Variants in OPALIN observed in about 807,000 individuals in gnomAD.
The protein encoded by OPALIN is oligodendrocytic myelin paranodal and inner loop protein, also known as transmembrane protein 10.
Under a neutral mutation model 17.8 loss-of-function variants are expected in OPALIN, and 15 were observed. The observed-to-expected ratio is 0.84, with a 90% CI of 0.56 to 1.29. The LOEUF (loss-of-function observed/expected upper bound fraction) is 1.29, where lower values mean the gene tolerates loss of function less well. Among genes scored for constraint, OPALIN ranks in the 50% most tolerant of loss-of-function variants. OPALIN has a pLI of 0.00. For missense variants in OPALIN, 170 were observed against 176.0 expected (o/e 0.97, Z 0.19); for synonymous variants, 62 against 63.8 (o/e 0.97, Z 0.14).
Position 96,355,380 on chromosome 10 carries a change from C to T in OPALIN, c.4-90G>A, listed in dbSNP as rs116374728. On this transcript the variant is annotated intron_variant, in intron 1 of 5. Transcript: ENST00000371172. ...CAAACTCACTGACCCTGGTGGATTCCGAGAGGTCATTGATCCTATAGACTC... is the reference window on the plus strand; with the variant it reads ...CAAACTCACTGACCCTGGTGGATTCTGAGAGGTCATTGATCCTATAGACTC... 1,948 of 1,215,410 alleles carry T rather than the reference C, an allele frequency of 1.6e-3. 19 individuals are homozygous for T. The African/African-American group carries it at 0.026, about 16-fold the overall frequency. 75.3% of individuals were successfully genotyped at this position (1,215,410 alleles called of 1,614,324 possible).
At chr10:96,354,322 G>A (rs191661680) in intron 2 of OPALIN, among the ~76,000 whole-genome samples, 3 of 152,252 alleles carry the variant, frequency 2.0e-5, no homozygotes, top group African/African-American at 7.2e-5. Context: ...ATAATCAAGA[G>A]CCATAAAATG....
chr10:96,351,444 CA>C, intron 2 of OPALIN, 34 bp from the exon 3 acceptor site: 2 of 1,429,312 alleles, frequency 1.4e-6, no homozygotes, highest in Non-Finnish European at 1.9e-6. Flanking sequence ...TGTAAAAGAA[CA>C]AAAAGTCTAT....
chr10:96,348,301 G>T lies in OPALIN; in HGVS notation c.237C>A (p.Pro79=). 6.5e-7 allele frequency: 1 copy of T among 1,539,760 alleles called. No individual in the cohort carries two copies. Among genetic ancestry groups the T allele is most frequent in the Non-Finnish European group, 9.0e-7 (1 of 1,115,952 alleles). ...CAAGAGTTCTTACCTCAGATATCTT[G>T]GGATTGTCATCAATTTCTGAAATTT... ...PCEISEIDDN[P]KISENPRRSP... is the part of the protein sequence containing the mutation. Residue 79 remains proline, a synonymous_variant, in exon 5 of 6, where the codon CCC becomes CCA. Transcript: ENST00000371172.
In OPALIN at chr10:96,345,528, T is replaced by C. The variant is rs747289883; in HGVS notation, c.*413A>G. 20 of 160,796 alleles carry C rather than the reference T, an allele frequency of 1.2e-4. No homozygotes were observed. Among genetic ancestry groups the C allele is most frequent in the Non-Finnish European group, 1.9e-4 (14 of 73,700 alleles). 10.0% of individuals were successfully genotyped at this position (160,796 alleles called of 1,614,324 possible). A position where few individuals can be genotyped will look rare whatever the true frequency, so the allele number is the denominator to read the frequency against. ...ACACATCCTGCATAAGTTTCATTTG[T>C]ATCCCAACTTGCACCAGGCTGACCT... is the stretch of plus-strand genomic sequence containing the variant. On this transcript the variant is annotated 3_prime_UTR_variant, in exon 6 of 6. Transcript: ENST00000371172.
intron 2 of OPALIN, among the ~76,000 whole-genome samples, 158 bp downstream of exon 2, chr10:96,355,097 A>C (rs1250045922): frequency 1.1e-3 from 1 of 928 alleles, no homozygotes; most frequent in Admixed American, 0.023. Flanking sequence ...ACCTTGTCTC[A>C]AAAAAAAAAA....
intron 1 of OPALIN, 62 bp downstream of exon 1, chr10:96,358,832 T>G: frequency 1.3e-6 from 2 of 1,548,036 alleles, no homozygotes; most frequent in Non-Finnish European, 8.9e-7. Context: ...TAATTGAATT[T>G]GGAGGTTTTT....
rs775925641 is a variant in OPALIN, at chr10:96,346,112, A to G, written c.255T>C (p.Pro85=). The G allele has an allele frequency of 6.2e-7, 1 of 1,613,110 alleles. No individual in the cohort carries two copies. Among genetic ancestry groups the G allele is most frequent in the South Asian group, 1.1e-5 (1 of 90,798 alleles). ...IDDNPKISEN[P]RRSPTHEKNT... ...TCTTCTCATGTGTGGGTGATCTCCT[A>G]GGATTCTTAAGGAAACAAATAGGTT... The change falls in exon 6 of 6, where the codon CCT becomes CCC. Residue 85 remains proline (P), a synonymous_variant. Transcript: ENST00000371172.
At chr10:96,357,529 G>A (rs1845868550) in intron 1 of OPALIN, among the ~76,000 whole-genome samples, 1 of 152,078 alleles carries the variant, frequency 6.6e-6, no homozygotes, top group Admixed American at 6.5e-5. Context: ...TGTAGTCTTG[G>A]ATAAGTCACT....
chr10:96,358,951 C>G lies in OPALIN; in HGVS notation c.-55G>C. 6.3e-7 allele frequency: 1 copy of G among 1,596,664 alleles called. No homozygotes were observed. The highest frequency in any genetic ancestry group is 8.6e-7 in the Non-Finnish European group (1 of 1,164,148). ...TACACTGCCTTTGGTAAGCTCCTTT[C>G]TCACTGGCTTTATTGGCTTGTGTCT... On this transcript the variant is annotated 5_prime_UTR_variant, in exon 1 of 6. Coordinates refer to ENST00000371172, the MANE Select transcript of OPALIN (RefSeq NM_033207.5).
At chr10:96,358,818 C>T in intron 1 of OPALIN, 76 bp downstream of exon 1, 1 of 1,437,564 alleles carries the variant, frequency 7.0e-7, no homozygotes, top group Non-Finnish European at 9.8e-7. Flanking sequence ...CTTCATTGTA[C>T]ATTTAATTGA....
At chr10:96,356,157 C>A (rs1845810894) in intron 1 of OPALIN, among the ~76,000 whole-genome samples, 1 of 152,190 alleles carries the variant, frequency 6.6e-6, no homozygotes, top group African/African-American at 2.4e-5. Context: ...GACTCTCAGC[C>A]CCTTGGGTCC....
rs751686361 is a variant in OPALIN, at chr10:96,349,707, C to T, written c.192G>A (p.Glu64=). 1.2e-6 allele frequency: 2 copies of T among 1,613,292 alleles called. No individual in the cohort carries two copies. The highest frequency in any genetic ancestry group is 4.5e-5 in the East Asian group (2 of 44,882). ...TGGACCCAAAGAAGCTAGTAATCACCTCCATGGCCTCAATGCTGCTTCTTC... is the reference window on the plus strand; with the variant it reads ...TGGACCCAAAGAAGCTAGTAATCACTTCCATGGCCTCAATGCTGCTTCTTC... The part of the protein sequence containing the change: ...HRRRSSIEAM[E]ESDRPCEISE... The change falls in exon 4 of 6, where the codon GAG becomes GAA. Residue 64 remains glutamate (E), a splice_region_variant and synonymous_variant. Transcript: ENST00000371172.
rs530879621 is a variant in OPALIN at position 96,343,821 on chromosome 10, G to A, written c.*2120C>T. On this transcript the variant is annotated 3_prime_UTR_variant, in exon 6 of 6. Coordinates refer to ENST00000371172, the MANE Select transcript of OPALIN (RefSeq NM_033207.5). ...TTGGTTATTCAGGGAAGAGGGGCAT[G>A]TTTCTGAGTAATCAGAAGCCCTGTG... 3 of 152,254 alleles carry A rather than the reference G, an allele frequency of 2.0e-5. No individual in the cohort carries two copies. Among genetic ancestry groups the A allele is most frequent in the Non-Finnish European group, 1.5e-5 (1 of 68,062 alleles). The allele number at this position is 152,254 out of a possible 1,614,324, so 9.4% of individuals were successfully genotyped here.
At chr10:96,355,096 CAAAAAAAAAAAAAAAAAAAAAAAA>C (rs56995726) in intron 2 of OPALIN, among the ~76,000 whole-genome samples, 135 bp downstream of exon 2, 71 of 45,176 alleles carry the variant, frequency 1.6e-3, no homozygotes, top group South Asian at 2.3e-3. Context: ...GACCTTGTCT[CAAAAAAAAAAAAAAAAAAAAAAAA>C]AAAAAAAAAA....
At chr10:96,346,826 A>G (rs569482221) in intron 5 of OPALIN, among the ~76,000 whole-genome samples, 13 of 152,268 alleles carry the variant, frequency 8.5e-5, no homozygotes, top group Admixed American at 8.5e-4. Context: ...GGGTTTTTTA[A>G]CCAAAGTTTT....
chr10:96,348,332 G>T lies in OPALIN; in HGVS notation c.206C>A (p.Pro69Gln). The change falls in exon 5 of 6, where the codon CCA (proline) becomes CAA (glutamine). Residue 69 changes from proline (P) to glutamine (Q), a missense_variant. Transcript: ENST00000371172. ...SIEAMEESDR[P>Q]CEISEIDDNP... Reference sequence around the variant, plus strand: ...GTCATCAATTTCTGAAATTTCACATGGTCTGTCACTTTCCTAAATTGGAAA... The same window carrying T: ...GTCATCAATTTCTGAAATTTCACATTGTCTGTCACTTTCCTAAATTGGAAA... 1.3e-6 allele frequency: 2 copies of T among 1,539,146 alleles called. No individual in the cohort carries two copies. The highest frequency in any genetic ancestry group is 9.0e-7 in the Non-Finnish European group (1 of 1,117,110).
chr10:96,358,186 TAAAAAAAAAAAAA>T (rs61616596), intron 1 of OPALIN, among the ~76,000 whole-genome samples: 4 of 61,590 alleles, frequency 6.5e-5, no homozygotes, highest in Admixed American at 2.9e-4. Flanking sequence ...ATGCTTTTTG[TAAAAAAAAAAAAA>T]AAAAAAAAAA....
At chr10:96,357,066 G>A (rs1589396035) in intron 1 of OPALIN, 6 of 985,468 alleles carry the variant, frequency 6.1e-6, no homozygotes, top group Non-Finnish European at 7.2e-6. Flanking sequence ...GGCCTCTTAG[G>A]TCAGGGTCCT....
At chr10:96,350,302 G>A (rs533185518) in intron 3 of OPALIN, among the ~76,000 whole-genome samples, 66 of 152,130 alleles carry the variant, frequency 4.3e-4, no homozygotes, top group Middle Eastern at 6.8e-3. Context: ...TGCAACCTCC[G>A]CCTCCTGGAT....
Sources: allele counts gnomAD v4.1 joint callset (sites outside exome capture counted in the v4.1 genomes callset), GRCh38; gene constraint gnomAD v4.1.1; transcripts MANE v1.5; gene names NCBI Gene and HGNC (gene_info 2026-07-23, HGNC 2026-07-21).